ELMO1: variants seen among roughly 807,000 people sequenced by gnomAD.
The protein encoded by ELMO1 is engulfment and cell motility protein 1.
A neutral mutation model predicts 98.9 loss-of-function variants in ELMO1; 26 were observed. The ratio of observed to expected loss-of-function variants is 0.26; its 90% CI spans 0.19 to 0.36. The LOEUF is 0.36. Ranked by LOEUF, ELMO1 falls within the 10% of genes least tolerant of loss-of-function variation. The pLI is 1.00. For synonymous variants in ELMO1, 346 were observed against 346.0 expected (o/e 1.00, Z 0.00); for missense variants, 627 against 935.2 (o/e 0.67, Z 4.30).
intron 1 of ELMO1, among the ~76,000 whole-genome samples, chr7:37,417,791 G>A (rs780860605): frequency 2.0e-5 from 3 of 152,026 alleles, no homozygotes; most frequent in Non-Finnish European, 2.9e-5. Context: ...GCAGTGAGTC[G>A]AGACGGCACC....
chr7:37,306,814 T>G (rs1302647128), intron 4 of ELMO1, among the ~76,000 whole-genome samples: 1 of 152,166 alleles, frequency 6.6e-6, no homozygotes, highest in African/African-American at 2.4e-5. Context: ...ATGGGCAAAT[T>G]CTAGGGTGTA....
intron 4 of ELMO1, among the ~76,000 whole-genome samples, chr7:37,277,841 C>T (rs1030849695): frequency 6.6e-6 from 1 of 152,242 alleles, no homozygotes; most frequent in Non-Finnish European, 1.5e-5. Context: ...CTTCCTCTGT[C>T]TTTACTGGCA....
intron 15 of ELMO1, among the ~76,000 whole-genome samples, chr7:37,041,344 A>G (rs1182277045): frequency 6.6e-6 from 1 of 152,152 alleles, no homozygotes; most frequent in Non-Finnish European, 1.5e-5. Flanking sequence ...TTCATCATGG[A>G]CAGACTAGAG....
At chr7:37,346,558 G>C (rs1801019419) in intron 1 of ELMO1, among the ~76,000 whole-genome samples, 1 of 152,160 alleles carries the variant, frequency 6.6e-6, no homozygotes, top group Admixed American at 6.5e-5. Context: ...GAATACTTGA[G>C]AGCTCTAAGA....
intron 1 of ELMO1, among the ~76,000 whole-genome samples, chr7:37,421,777 A>T (rs181778616): frequency 1.2e-4 from 19 of 152,308 alleles, no homozygotes; most frequent in Non-Finnish European, 2.4e-4. Context: ...AGGGATAAAA[A>T]CAGCCATGCA....
chr7:37,040,201 G>C (rs2129194072), intron 15 of ELMO1, among the ~76,000 whole-genome samples: 1 of 152,198 alleles, frequency 6.6e-6, no homozygotes, highest in East Asian at 1.9e-4. Context: ...TAGTTTTAGA[G>C]AGACAGGTGT....
At chr7:37,315,997 C>T (rs368478739) in intron 2 of ELMO1, 37 bp from the exon 3 acceptor site, 175 of 1,423,934 alleles carry the variant, frequency 1.2e-4, no homozygotes, top group Middle Eastern at 5.4e-4. Context: ...TTGTTAGTTT[C>T]GTTTCATCAT....
At chr7:37,405,173 G>A (rs1468353157) in intron 1 of ELMO1, among the ~76,000 whole-genome samples, 1 of 151,018 alleles carries the variant, frequency 6.6e-6, no homozygotes, top group East Asian at 2.0e-4. Context: ...CAAGAATAAG[G>A]CATGGATGCT....
intron 13 of ELMO1, among the ~76,000 whole-genome samples, chr7:37,184,058 G>A (rs866194097): frequency 6.6e-6 from 1 of 152,172 alleles, no homozygotes; most frequent in Non-Finnish European, 1.5e-5. Flanking sequence ...TATCACAGTC[G>A]TTTTGAACCT....
rs190966875 is a variant in ELMO1 at position 36,872,865 on chromosome 7, T to C, written c.1823-2390A>G. ...TGTCTTGTAGAAAGTTTTTTTGTTA[T>C]AATATATAGCATGGTCCATGAACTA... On this transcript the variant is annotated intron_variant, in intron 19 of 21. Transcript: ENST00000310758. Among the ~76,000 whole-genome samples, 31 of 152,350 alleles carry C rather than the reference T, an allele frequency of 2.0e-4. 1 individual carries two copies. The East Asian group carries it at 5.0e-3, about 25-fold the overall frequency.
chr7:36,953,139 T>G (rs1257935987), intron 16 of ELMO1, among the ~76,000 whole-genome samples: 1 of 152,014 alleles, frequency 6.6e-6, no homozygotes, highest in East Asian at 1.9e-4. Flanking sequence ...CTAATTTTTT[T>G]GTATTTTCAG....
chr7:37,252,778 T>C (rs1291077332), intron 6 of ELMO1, among the ~76,000 whole-genome samples: 1 of 152,038 alleles, frequency 6.6e-6, no homozygotes, highest in East Asian at 1.9e-4. Flanking sequence ...GAAACTATCA[T>C]CAGAGTGAAC....
chr7:36,914,154 T>G (rs1430296854), intron 16 of ELMO1, among the ~76,000 whole-genome samples: 2 of 152,184 alleles, frequency 1.3e-5, no homozygotes, highest in Non-Finnish European at 2.9e-5. Context: ...ACACGGATGA[T>G]ATGAAACCCT....
At chr7:37,230,420 C>T (rs1252594557) in intron 8 of ELMO1, among the ~76,000 whole-genome samples, 1 of 152,134 alleles carries the variant, frequency 6.6e-6, no homozygotes, top group Non-Finnish European at 1.5e-5. Context: ...ATGCCTTCCA[C>T]CACTTGGAAA....
At chr7:37,255,856 G>A (rs955822240) in intron 6 of ELMO1, among the ~76,000 whole-genome samples, 2 of 150,790 alleles carry the variant, frequency 1.3e-5, no homozygotes, top group African/African-American at 4.9e-5. Flanking sequence ...TAGTGTTGCC[G>A]AGGCAGCCTC....
intron 15 of ELMO1, among the ~76,000 whole-genome samples, chr7:37,026,866 T>C (rs889107451): frequency 6.6e-6 from 1 of 152,236 alleles, no homozygotes; most frequent in Non-Finnish European, 1.5e-5. Flanking sequence ...GGCTTTGTCA[T>C]GTCTGCATCC....
intron 16 of ELMO1, among the ~76,000 whole-genome samples, chr7:36,908,224 A>G (rs1319992030): frequency 6.6e-6 from 1 of 152,198 alleles, no homozygotes; most frequent in Non-Finnish European, 1.5e-5. Context: ...GCTCAGAAGG[A>G]GCTTGTTGAA....
At chr7:37,097,990 ATAGAT>A (rs1784448047) in intron 14 of ELMO1, among the ~76,000 whole-genome samples, 1 of 152,238 alleles carries the variant, frequency 6.6e-6, no homozygotes. Flanking sequence ...TACTCTACAC[ATAGAT>A]TAAACAAAAG....
At chr7:36,943,266 C>T (rs1787201992) in intron 16 of ELMO1, among the ~76,000 whole-genome samples, 1 of 152,246 alleles carries the variant, frequency 6.6e-6, no homozygotes, top group Admixed American at 6.5e-5. Context: ...TTATGCAGTT[C>T]TGTGACTGTC....
Sources: allele counts gnomAD v4.1 joint callset (sites outside exome capture counted in the v4.1 genomes callset), GRCh38; gene constraint gnomAD v4.1.1; transcripts MANE v1.5; gene names NCBI Gene and HGNC (gene_info 2026-07-23, HGNC 2026-07-21).